Variants in FRMPD1 observed in about 807,000 individuals in gnomAD.
FRMPD1 encodes FERM and PDZ domain-containing protein 1.
In FRMPD1, 76 loss-of-function variants were observed where a neutral mutation model predicts 117.8. The observed-to-expected ratio is 0.65, with a 90% confidence interval of 0.54 to 0.78. The LOEUF (loss-of-function observed/expected upper bound fraction) is 0.78, where lower values mean the gene tolerates loss of function less well. FRMPD1 is among the 30% of genes least tolerant of loss of function. The pLI is 0.00. For synonymous variants in FRMPD1, 783 were observed against 770.4 expected, an observed-to-expected ratio of 1.02 and a Z score of -0.27; for missense variants, 1,786 against 1,964.5, an observed-to-expected ratio of 0.91 and a Z score of 1.72.
At chr9:37,648,110 AT>A (rs1468516556), upstream of FRMPD1, among the ~76,000 whole-genome samples, 2 of 152,040 alleles carry the variant, frequency 1.3e-5, no homozygotes, top group Non-Finnish European at 2.9e-5. Flanking sequence ...AGGAACTCTT[AT>A]TTTTTAGAAC....
the FRMPD1 span, among the ~76,000 whole-genome samples, chr9:37,634,196 C>T: frequency 6.6e-6 from 1 of 152,176 alleles, no homozygotes; most frequent in South Asian, 2.1e-4. Context: ...CCCCACTTCC[C>T]ACCTTCATCA....
Position 37,746,275 on chromosome 9 carries a change from C to T in FRMPD1, c.4243C>T (p.Pro1415Ser). The change falls in exon 16 of 16, where the codon CCT becomes TCT. Residue 1415 changes from proline to serine, a missense_variant. Pro to Ser is a moderately conservative substitution (Grantham distance 74). Transcript: ENST00000377765. ...GGCACTGAGACAGCTGAAAGCCACC[C>T]CTGCCAGCACCCCTGAGGGCTTCAT... is the stretch of plus-strand genomic sequence containing the variant. Reference protein sequence around the residue: ...SRALRQLKATPASTPEGFIQL... With the variant: ...SRALRQLKATSASTPEGFIQL... The T allele has an allele frequency of 6.2e-7, 1 of 1,612,788 alleles. No homozygotes were observed. The highest frequency in any genetic ancestry group is 1.1e-5 in the South Asian group (1 of 91,068).
intron 3 of FRMPD1, among the ~76,000 whole-genome samples, chr9:37,707,970 G>C (rs1033743660): frequency 6.6e-6 from 1 of 152,242 alleles, no homozygotes; most frequent in Non-Finnish European, 1.5e-5. Flanking sequence ...GTGAAATACA[G>C]GCTGTACCAG....
rs200798000 is a variant in FRMPD1, at chr9:37,745,688, C to T, written c.3656C>T (p.Pro1219Leu). Residue 1219 changes from proline (P) to leucine (L), a missense_variant, in exon 16 of 16, where the codon CCA becomes CTA. Physicochemically the swap from Pro to Leu is moderately conservative, Grantham distance 98 (BLOSUM62 -3). Transcript: ENST00000377765. Reference protein sequence around the residue: ...DFFLGKQTVSPAVPPEGIKAE... With the variant: ...DFFLGKQTVSLAVPPEGIKAE... ...TTTCTTGGGAAGCAGACAGTTTCAC[C>T]AGCCGTCCCTCCAGAGGGGATCAAG... The T allele has an allele frequency of 1.2e-6, 2 of 1,614,080 alleles. No homozygotes were observed. Among genetic ancestry groups the T allele is most frequent in the Non-Finnish European group, 1.7e-6 (2 of 1,179,996 alleles).
the FRMPD1 span, among the ~76,000 whole-genome samples, chr9:37,631,957 AT>A: frequency 8.6e-3 from 1,311 of 152,180 alleles, 18 homozygotes; most frequent in African/African-American, 0.03. Flanking sequence ...AATTTTAATG[AT>A]TTTTTTCCTG....
chr9:37,744,237 A>G (rs888831452), intron 15 of FRMPD1, 152 bp from the exon 16 acceptor site: 5 of 547,712 alleles, frequency 9.1e-6, no homozygotes, highest in African/African-American at 7.6e-5. Flanking sequence ...CATCTTTCAG[A>G]TGAGGAAGTT....
intron 5 of FRMPD1, among the ~76,000 whole-genome samples, chr9:37,713,422 G>A (rs1375216680): frequency 2.8e-4 from 43 of 152,008 alleles, no homozygotes. Flanking sequence ...ACCAGCCTGG[G>A]CAACATGGCA....
chr9:37,693,701 A>G (rs1822226723), intron 2 of FRMPD1, among the ~76,000 whole-genome samples: 1 of 152,174 alleles, frequency 6.6e-6, no homozygotes, highest in African/African-American at 2.4e-5. Context: ...CTTTCCAGCT[A>G]TTTGTCTTAC....
At chr9:37,717,923 G>A (rs1277771523) in intron 5 of FRMPD1, among the ~76,000 whole-genome samples, 1 of 152,134 alleles carries the variant, frequency 6.6e-6, no homozygotes, top group Non-Finnish European at 1.5e-5. Flanking sequence ...TTTTGGGTTG[G>A]AACTTTTTCT....
chr9:37,630,357 C>T, the FRMPD1 span, among the ~76,000 whole-genome samples: 2 of 151,824 alleles, frequency 1.3e-5, no homozygotes, highest in Admixed American at 1.3e-4. Context: ...TTTTCTTTTT[C>T]TTTTCGTTTC....
intron 1 of FRMPD1, among the ~76,000 whole-genome samples, chr9:37,675,376 G>T (rs564962284): frequency 6.6e-6 from 1 of 151,328 alleles, no homozygotes. Flanking sequence ...AGGCGAGATC[G>T]TGCCACTGCA....
chr9:37,729,654 T>TG lies in FRMPD1; in HGVS notation c.613-73dup, dbSNP rs1462637615. 9.2e-6 allele frequency: 14 copies of TG among 1,514,648 alleles called. No individual in the cohort carries two copies. The African/African-American group carries it at 1.6e-4, about 18-fold the overall frequency. The allele number at this position is 1,514,648 out of a possible 1,614,324, so 93.8% of individuals were successfully genotyped here. A position where few individuals can be genotyped will look rare whatever the true frequency, so the allele number is the denominator to read the frequency against. Reference sequence around the variant, plus strand: ...CAGGCTTTTCTCTCCCTAGCTGCACTGAGGAATGGCAGGAAGGCCAGGGAA... The same window carrying TG: ...CAGGCTTTTCTCTCCCTAGCTGCACTGGAGGAATGGCAGGAAGGCCAGGGAA... On this transcript the variant is annotated intron_variant, in intron 7 of 15. Coordinates refer to ENST00000377765, the MANE Select transcript of FRMPD1 (RefSeq NM_014907.3).
intron 5 of FRMPD1, among the ~76,000 whole-genome samples, chr9:37,716,093 A>G (rs747285233): frequency 1.1e-4 from 17 of 152,306 alleles, no homozygotes; most frequent in African/African-American, 3.6e-4. Flanking sequence ...AGTTCCACCA[A>G]TGACCAACCA....
chr9:37,696,574 T>C (rs1340690916), intron 2 of FRMPD1, among the ~76,000 whole-genome samples: 1 of 152,188 alleles, frequency 6.6e-6, no homozygotes, highest in East Asian at 1.9e-4. Flanking sequence ...ATGATTACAG[T>C]TTTAAAACAT....
intron 1 of FRMPD1, among the ~76,000 whole-genome samples, chr9:37,652,880 T>G (rs1820721022): frequency 6.6e-6 from 1 of 152,164 alleles, no homozygotes; most frequent in Non-Finnish European, 1.5e-5. Context: ...GGGATTCCTG[T>G]GAACACTAAG....
At position 37,745,862 on chromosome 9, in the gene FRMPD1, T is replaced by C. The variant is rs757061613; in HGVS notation, c.3830T>C (p.Leu1277Pro). 2 of 1,614,214 alleles carry C rather than the reference T, an allele frequency of 1.2e-6. No individual in the cohort carries two copies. The highest frequency in any genetic ancestry group is 1.7e-6 in the Non-Finnish European group (2 of 1,180,028). The change falls in exon 16 of 16, where the codon CTC becomes CCC. Residue 1277 changes from leucine (L) to proline (P), a missense_variant. Transcript: ENST00000377765. The stretch of plus-strand genomic sequence containing the variant: ...TTAGAAACTTCAAACCATTGCTTAC[T>C]CTCAGAAGGCAAAAGTGACAGCTCT... The part of the protein sequence containing the change: ...PHLETSNHCL[L>P]SEGKSDSSSI...
At position 37,738,939 on chromosome 9, in the gene FRMPD1, C is replaced by T. The variant is rs139069273; in HGVS notation, c.1550-1139C>T. On this transcript the variant is annotated intron_variant, in intron 14 of 15. Transcript: ENST00000377765. Reference sequence around the variant, plus strand: ...GAGCTCTCCCTATGGGTGGCTGGAACGTGGCAGGGAAGGCTGCCATGGGGG... The same window carrying T: ...GAGCTCTCCCTATGGGTGGCTGGAATGTGGCAGGGAAGGCTGCCATGGGGG... Among the ~76,000 whole-genome samples the T allele has an allele frequency of 3.7e-3, 564 of 152,128 alleles. 1 individual carries two copies. The highest frequency in any genetic ancestry group is 0.012 in the African/African-American group (515 of 41,504).
chr9:37,655,496 C>CT (rs10615941), intron 1 of FRMPD1, among the ~76,000 whole-genome samples: 1,702 of 88,500 alleles, frequency 0.019, 30 homozygotes, highest in Non-Finnish European at 0.025. Context: ...TGTCCCCACT[C>CT]TTTTTTTTTT....
the FRMPD1 span, among the ~76,000 whole-genome samples, chr9:37,632,968 T>G: frequency 6.8e-6 from 1 of 147,500 alleles, no homozygotes; most frequent in South Asian, 2.1e-4. Context: ...TATATTTCTT[T>G]CTACATATAT....
Sources: gnomAD v4.1 joint callset for allele counts (sites outside exome capture counted in the v4.1 genomes callset) on GRCh38, gnomAD v4.1.1 for gene constraint, MANE v1.5 for transcripts, NCBI Gene and HGNC (gene_info 2026-07-23, HGNC 2026-07-21) for gene names.